The following DOCK4 variants were observed in gnomAD, a reference collection of about 807,000 sequenced individuals.
DOCK4 encodes dedicator of cytokinesis 4, also known as dedicator of cytokinesis protein 4.
DOCK4 carries 97 observed loss-of-function variants against 268.1 expected under a neutral mutation model. The observed-to-expected ratio is 0.36, with a 90% confidence interval of 0.31 to 0.43. The LOEUF is 0.43. Ranked by LOEUF, DOCK4 falls within the 20% of genes least tolerant of loss-of-function variation. The pLI is 1.00. For missense variants in DOCK4, 2,145 were observed against 2,455.7 expected, an observed-to-expected ratio of 0.87 and a Z score of 2.67; for synonymous variants, 954 against 887.2, an observed-to-expected ratio of 1.08 and a Z score of -1.34.
intron 35 of DOCK4, among the ~76,000 whole-genome samples, chr7:111,781,606 G>A (rs1217244616): frequency 6.6e-6 from 1 of 152,166 alleles, no homozygotes; most frequent in African/African-American, 2.4e-5. Context: ...TTTAGGGACT[G>A]ATATTGGAGG....
chr7:111,991,438 CAGTT>C (rs554746817), intron 5 of DOCK4, among the ~76,000 whole-genome samples: 122 of 152,134 alleles, frequency 8.0e-4, no homozygotes, highest in Middle Eastern at 3.4e-3. Flanking sequence ...TAAATGAAAA[CAGTT>C]AGGGTACAAT....
chr7:111,806,772 A>T (rs1800708279), intron 30 of DOCK4, among the ~76,000 whole-genome samples: 1 of 152,330 alleles, frequency 6.6e-6, no homozygotes, highest in South Asian at 2.1e-4. Context: ...GAGATTTTGC[A>T]TTTCTTACAA....
chr7:111,899,006 A>G (rs1241504159), intron 15 of DOCK4, among the ~76,000 whole-genome samples: 2 of 152,206 alleles, frequency 1.3e-5, no homozygotes, highest in Non-Finnish European at 2.9e-5. Context: ...GTGAGAATTC[A>G]TAACAAAGAT....
chr7:111,976,153 A>ATATATATAT (rs1554400588), intron 8 of DOCK4, among the ~76,000 whole-genome samples: 7 of 75,360 alleles, frequency 9.3e-5, no homozygotes, highest in East Asian at 4.9e-4. Context: ...AAAAAAAAAA[A>ATATATATAT]AAAAAAAAAT....
At chr7:112,160,850 C>G (rs565021730) in intron 1 of DOCK4, among the ~76,000 whole-genome samples, 1 of 152,286 alleles carries the variant, frequency 6.6e-6, no homozygotes, top group South Asian at 2.1e-4. Context: ...ATCAGTTTTT[C>G]CTGAGAATGA....
chr7:112,103,094 C>G (rs1298376929), intron 1 of DOCK4, among the ~76,000 whole-genome samples: 11 of 152,200 alleles, frequency 7.2e-5, no homozygotes, highest in Non-Finnish European at 1.5e-5. Context: ...TTACCTGATA[C>G]TACAGAAATC....
chr7:111,953,864 C>T (rs1466604866), intron 8 of DOCK4: 1 of 152,216 alleles, frequency 6.6e-6, no homozygotes, highest in Admixed American at 6.5e-5. Context: ...CCTACCAACA[C>T]TCTTTATCAA....
intron 8 of DOCK4, among the ~76,000 whole-genome samples, chr7:111,959,014 C>A (rs1705965385): frequency 6.6e-6 from 1 of 152,108 alleles, no homozygotes; most frequent in African/African-American, 2.4e-5. Flanking sequence ...ATCTGATTAA[C>A]TCTGAAGTGA....
At position 111,949,133 on chromosome 7, in the gene DOCK4, T is replaced by A. The variant is rs575294657; in HGVS notation, c.702-3335A>T. 9.8e-5 allele frequency among the ~76,000 whole-genome samples: 15 copies of A among 152,306 alleles called. No individual in the cohort carries two copies. In the East Asian group the frequency reaches 2.9e-3, roughly 29 times the overall value. On this transcript the variant is annotated intron_variant, in intron 8 of 52. Coordinates refer to ENST00000428084, the MANE Select transcript of DOCK4 (RefSeq NM_001363540.2). Reference sequence around the variant, plus strand: ...GAGCATTTTCCCTTCTCCTATATCATGGACAGCATGTTCTACTTTATATTT... The same window carrying A: ...GAGCATTTTCCCTTCTCCTATATCAAGGACAGCATGTTCTACTTTATATTT...
intron 13 of DOCK4, among the ~76,000 whole-genome samples, chr7:111,909,409 C>A (rs1164076434): frequency 6.6e-6 from 1 of 152,184 alleles, no homozygotes; most frequent in Non-Finnish European, 1.5e-5. Context: ...GTCTGTAAAT[C>A]ATTATTTAGT....
chr7:112,093,354 T>A (rs1001241764), intron 1 of DOCK4, among the ~76,000 whole-genome samples: 3 of 152,148 alleles, frequency 2.0e-5, no homozygotes, highest in Non-Finnish European at 1.5e-5. Flanking sequence ...AATTATTATT[T>A]AAGCTAGTCT....
At chr7:111,822,099 C>A (rs775258441) in intron 27 of DOCK4, among the ~76,000 whole-genome samples, 26 of 152,210 alleles carry the variant, frequency 1.7e-4, no homozygotes, top group Middle Eastern at 6.8e-3. Flanking sequence ...GAAACAAATA[C>A]AAGTGGTTAT....
At chr7:111,761,136 C>T (rs1176938497) in intron 39 of DOCK4, among the ~76,000 whole-genome samples, 1 of 150,990 alleles carries the variant, frequency 6.6e-6, no homozygotes, top group Non-Finnish European at 1.5e-5. Context: ...TCTCAGCTTA[C>T]TGCAACCTCC....
intron 8 of DOCK4, among the ~76,000 whole-genome samples, chr7:111,973,156 C>CGCATATATATATATATAT (rs990863473): frequency 1.8e-4 from 21 of 114,048 alleles, no homozygotes; most frequent in Middle Eastern, 0.011. Flanking sequence ...TATTCCATGG[C>CGCATATATATATATATAT]ATATATATAT....
At chr7:111,823,158 T>C (rs980476601) in intron 26 of DOCK4, among the ~76,000 whole-genome samples, 31 of 151,354 alleles carry the variant, frequency 2.0e-4, no homozygotes, top group Admixed American at 3.9e-4. Flanking sequence ...ATCGATCACC[T>C]GAAAACACTC....
intron 1 of DOCK4, among the ~76,000 whole-genome samples, chr7:112,076,215 C>T (rs78067118): frequency 0.015 from 2,261 of 151,960 alleles, 59 homozygotes; most frequent in African/African-American, 0.052. Flanking sequence ...CTTTTATATG[C>T]CCTTGAAACA....
chr7:111,846,439 A>C (rs1247003467), intron 24 of DOCK4, among the ~76,000 whole-genome samples: 1 of 151,858 alleles, frequency 6.6e-6, no homozygotes, highest in Non-Finnish European at 1.5e-5. Context: ...GCATTCTCTA[A>C]TGCAATTGCA....
chr7:111,728,744 G>C, intron 52 of DOCK4, 24 bp from the exon 53 acceptor site: 4 of 1,581,328 alleles, frequency 2.5e-6, no homozygotes, highest in Non-Finnish European at 3.4e-6. Context: ...AAGGAAACGA[G>C]AGGGAGACAC....
chr7:111,784,190 A>G (rs1798996320), intron 32 of DOCK4, 67 bp from the exon 33 acceptor site: 21 of 1,461,404 alleles, frequency 1.4e-5, no homozygotes, highest in Non-Finnish European at 1.9e-5. Context: ...ATACAAACAC[A>G]TGCATATAAT....
Sources: gnomAD v4.1 joint callset for allele counts (sites outside exome capture counted in the v4.1 genomes callset) on GRCh38, gnomAD v4.1.1 for gene constraint, MANE v1.5 for transcripts, NCBI Gene and HGNC (gene_info 2026-07-23, HGNC 2026-07-21) for gene names.